Variants in PPP2R2B observed in about 807,000 individuals in gnomAD.
The protein encoded by PPP2R2B is protein phosphatase 2 regulatory subunit Bbeta, also known as serine/threonine-protein phosphatase 2A 55 kDa regulatory subunit B beta isoform.
PPP2R2B carries 5 observed loss-of-function variants against 46.0 expected under a neutral mutation model. The observed-to-expected ratio is 0.11, with a 90% CI of 0.06 to 0.23. The LOEUF is 0.23. Among genes scored for constraint, PPP2R2B ranks in the 10% least tolerant of loss-of-function variants. The pLI is 1.00. For synonymous variants in PPP2R2B, 215 were observed against 206.7 expected (o/e 1.04, Z -0.34); for missense variants, 367 against 575.0 (o/e 0.64, Z 3.70).
intron 2 of PPP2R2B, among the ~76,000 whole-genome samples, chr5:146,720,463 C>T (rs1432978903): frequency 2.0e-5 from 3 of 152,120 alleles, no homozygotes; most frequent in African/African-American, 7.2e-5. Flanking sequence ...TACAACAATA[C>T]TTCAAAACTT....
chr5:146,762,148 TC>T (rs1424661792), intron 2 of PPP2R2B, among the ~76,000 whole-genome samples: 1 of 152,246 alleles, frequency 6.6e-6, no homozygotes, highest in Non-Finnish European at 1.5e-5. Context: ...CTGGTAGAAT[TC>T]CTTTAATGGA....
intron 7 of PPP2R2B, among the ~76,000 whole-genome samples, chr5:146,633,663 A>T (rs1774590368): frequency 6.6e-6 from 1 of 152,252 alleles, no homozygotes; most frequent in Admixed American, 6.5e-5. Context: ...GGCTGGGCAG[A>T]GGCCTGAAGG....
At chr5:146,737,102 T>C (rs920529542) in intron 2 of PPP2R2B, among the ~76,000 whole-genome samples, 3 of 152,214 alleles carry the variant, frequency 2.0e-5, no homozygotes, top group Non-Finnish European at 4.4e-5. Context: ...TCCTGGTGTG[T>C]ATTTCATACT....
intron 1 of PPP2R2B, among the ~76,000 whole-genome samples, chr5:146,976,721 A>T (rs975174394): frequency 6.6e-6 from 1 of 152,150 alleles, no homozygotes; most frequent in African/African-American, 2.4e-5. Flanking sequence ...GGATTTATTT[A>T]ATGTAGGCTA....
At chr5:147,060,360 C>T (rs1409342431), upstream of PPP2R2B, among the ~76,000 whole-genome samples, 1 of 152,124 alleles carries the variant, frequency 6.6e-6, no homozygotes, top group Non-Finnish European at 1.5e-5. Context: ...GGTGTGGTGG[C>T]TCACCCGTCT....
At chr5:146,998,582 G>C (rs915645775) in intron 1 of PPP2R2B, among the ~76,000 whole-genome samples, 1 of 152,180 alleles carries the variant, frequency 6.6e-6, no homozygotes, top group African/African-American at 2.4e-5. Flanking sequence ...TTTGCCAGCT[G>C]TTCAGTCTTC....
chr5:146,738,286 C>T (rs1752662761), intron 2 of PPP2R2B, among the ~76,000 whole-genome samples: 1 of 150,568 alleles, frequency 6.6e-6, no homozygotes, highest in Non-Finnish European at 1.5e-5. Context: ...GTCCCAGCTA[C>T]TCGGGAGGCT....
chr5:146,671,642 G>A (rs1341845330), intron 5 of PPP2R2B, among the ~76,000 whole-genome samples: 2 of 152,194 alleles, frequency 1.3e-5, no homozygotes, highest in Non-Finnish European at 2.9e-5. Context: ...TACTATAAGT[G>A]ACGGCTGACT....
At chr5:146,772,760 T>G (rs947231488) in intron 2 of PPP2R2B, among the ~76,000 whole-genome samples, 3 of 152,078 alleles carry the variant, frequency 2.0e-5, no homozygotes, top group Non-Finnish European at 2.9e-5. Context: ...ATAAGTGAGG[T>G]TTCTTTTGAT....
At chr5:146,728,694 G>A (rs139784864) in intron 2 of PPP2R2B, among the ~76,000 whole-genome samples, 3,844 of 152,206 alleles carry the variant, frequency 0.025, 146 homozygotes, top group African/African-American at 0.083. Flanking sequence ...GGTCTTTCCC[G>A]TGCTATTCTC....
intron 5 of PPP2R2B, among the ~76,000 whole-genome samples, chr5:146,684,237 A>C (rs965671402): frequency 2.0e-5 from 3 of 152,234 alleles, no homozygotes; most frequent in Non-Finnish European, 4.4e-5. Context: ...AAAATTAAAA[A>C]TGGTAGAGGA....
At chr5:146,711,053 C>A (rs921571769) in intron 2 of PPP2R2B, among the ~76,000 whole-genome samples, 1 of 152,166 alleles carries the variant, frequency 6.6e-6, no homozygotes, top group Non-Finnish European at 1.5e-5. Flanking sequence ...AGCCTCATTG[C>A]TCCCCATACT....
At chr5:146,782,803 A>G (rs914783260) in intron 2 of PPP2R2B, among the ~76,000 whole-genome samples, 1 of 98,744 alleles carries the variant, frequency 1.0e-5, no homozygotes, top group African/African-American at 3.7e-5. Context: ...TGAGAGAGAG[A>G]AGGGAGAGGA....
intron 4 of PPP2R2B, among the ~76,000 whole-genome samples, chr5:146,695,556 G>T (rs1362780834): frequency 6.6e-6 from 1 of 152,138 alleles, no homozygotes. Context: ...AAAGATAATT[G>T]ATAGTGAATT....
chr5:146,584,999 T>C lies in PPP2R2B; in HGVS notation c.*4948A>G, dbSNP rs1164118414. 1 of 152,214 alleles carries C rather than the reference T, an allele frequency of 6.6e-6. No homozygotes were observed. Among genetic ancestry groups the C allele is most frequent in the African/African-American group, 2.4e-5 (1 of 41,450 alleles). 9.4% of individuals were successfully genotyped at this position (152,214 alleles called of 1,614,324 possible). A position where few individuals can be genotyped will look rare whatever the true frequency, so the allele number is the denominator to read the frequency against. On this transcript the variant is annotated 3_prime_UTR_variant, in exon 10 of 10. Transcript: ENST00000394411. ...TCTTATCACTCATTGATTAACTATT[T>C]CTTCCTCTGTATGACTTCTGCCCTT...
chr5:146,843,624 T>G, intron 2 of PPP2R2B, among the ~76,000 whole-genome samples: 1 of 152,208 alleles, frequency 6.6e-6, no homozygotes, highest in Non-Finnish European at 1.5e-5. Context: ...AACCCTTCAC[T>G]TCTCAAACCC....
exon 1 of PPP2R2B, chr5:147,055,887 T>A (rs1269877001): frequency 2.1e-6 from 3 of 1,450,870 alleles, no homozygotes; most frequent in Non-Finnish European, 2.7e-6. Flanking sequence ...GCCCGAGGAA[T>A]AACTGGAGAT....
At chr5:146,623,567 T>C (rs1034207578) in intron 7 of PPP2R2B, among the ~76,000 whole-genome samples, 18 of 152,238 alleles carry the variant, frequency 1.2e-4, no homozygotes, top group African/African-American at 4.3e-4. Flanking sequence ...CATATGTAAC[T>C]CTTCAATGAC....
intron 1 of PPP2R2B, among the ~76,000 whole-genome samples, chr5:147,022,341 G>A (rs889063088): frequency 4.0e-5 from 6 of 151,836 alleles, no homozygotes; most frequent in Non-Finnish European, 5.9e-5. Flanking sequence ...GGTGGATTAC[G>A]AGGTCAGGAG....
Sources: gnomAD v4.1 joint callset for allele counts (sites outside exome capture counted in the v4.1 genomes callset) on GRCh38, gnomAD v4.1.1 for gene constraint, MANE v1.5 for transcripts, NCBI Gene and HGNC (gene_info 2026-07-23, HGNC 2026-07-21) for gene names.